LRRC4B: variants seen among roughly 807,000 people sequenced by gnomAD.
LRRC4B encodes leucine-rich repeat-containing protein 4B.
Under a neutral mutation model 7.3 loss-of-function variants are expected in LRRC4B, and 1 was observed. That is an observed-to-expected ratio of 0.14 (90% CI 0.05 to 0.65). LRRC4B has a LOEUF of 0.65. LRRC4B is among the 30% of genes least tolerant of loss of function. The pLI is 0.84. For synonymous variants in LRRC4B, 500 were observed against 499.2 expected (o/e 1.00, Z -0.02); for missense variants, 730 against 1,041.6 (o/e 0.70, Z 4.12).
chr19:50,521,422 ATTATTTTATT>A (rs376597814), intron 2 of LRRC4B, among the ~76,000 whole-genome samples: 1 of 151,874 alleles, frequency 6.6e-6, no homozygotes, highest in Non-Finnish European at 1.5e-5. Context: ...CCAGTGATAC[ATTATTTTATT>A]TTATTTTATT....
At chr19:50,528,161 G>A (rs760587434) in intron 2 of LRRC4B, among the ~76,000 whole-genome samples, 27 of 151,956 alleles carry the variant, frequency 1.8e-4, no homozygotes, top group Non-Finnish European at 3.1e-4. Flanking sequence ...TCCCACCTCA[G>A]CCTCCCAAGT....
intron 1 of LRRC4B, among the ~76,000 whole-genome samples, chr19:50,550,351 C>G (rs1035459025): frequency 1.3e-5 from 2 of 152,070 alleles, no homozygotes; most frequent in African/African-American, 2.4e-5. Context: ...AGGCCAACCC[C>G]AAACCATTCC....
In LRRC4B at chr19:50,518,423, G is replaced by T; in HGVS notation, c.1290C>A (p.Asp430Glu). ...TCACCATGCACGTGTACTGGCCCGT[G>T]TCCTGCACGGTGACGTTGGTGAAGT... ...TLNFTNVTVQ[D>E]TGQYTCMVTN... The change falls in exon 3 of 3, where the codon GAC (aspartate) becomes GAA (glutamate). Residue 430 changes from aspartate to glutamate, a missense_variant. Asp to Glu is a conservative substitution (Grantham distance 45). Transcript: ENST00000652263. 6.4e-7 allele frequency: 1 copy of T among 1,559,452 alleles called. No individual in the cohort carries two copies.
At chr19:50,561,312 C>A (rs558550645) in intron 1 of LRRC4B, among the ~76,000 whole-genome samples, 1 of 152,116 alleles carries the variant, frequency 6.6e-6, no homozygotes, top group Non-Finnish European at 1.5e-5. Flanking sequence ...ACAACCCCCA[C>A]GTCGGTGAGG....
At position 50,518,682 on chromosome 19, in the gene LRRC4B, G is replaced by T; in HGVS notation, c.1031C>A (p.Ala344Asp). The T allele has an allele frequency of 6.2e-7, 1 of 1,613,756 alleles. No homozygotes were observed. Reference protein sequence around the residue: ...TTCCARCHAPAGLKGRYIGEL... With the variant: ...TTCCARCHAPDGLKGRYIGEL... ...CCCAATGTAGCGCCCCTTGAGGCCG[G>T]CGGGCGCATGACAGCGGGCGCAGCA... Residue 344 changes from alanine to aspartate, a missense_variant, in exon 3 of 3, where the codon GCC (alanine) becomes GAC (aspartate). This residue lies in a region of LRRC4B where 226 missense variants were observed against 448.0 expected (regional missense o/e 0.50). Coordinates refer to ENST00000652263, the MANE Select transcript of LRRC4B (RefSeq NM_001080457.2).
intron 1 of LRRC4B, among the ~76,000 whole-genome samples, chr19:50,551,658 T>C (rs1982072109): frequency 1.5e-5 from 2 of 136,112 alleles, no homozygotes; most frequent in Non-Finnish European, 3.1e-5. Context: ...AGGCCCCTTC[T>C]CTCCTTCTCC....
At chr19:50,539,628 C>T (rs1981454847) in intron 2 of LRRC4B, among the ~76,000 whole-genome samples, 1 of 151,854 alleles carries the variant, frequency 6.6e-6, no homozygotes, top group Non-Finnish European at 1.5e-5. Flanking sequence ...GTGGCTCACA[C>T]ATGTAATCCC....
At chr19:50,552,918 G>A (rs1470966189) in intron 1 of LRRC4B, among the ~76,000 whole-genome samples, 1 of 152,244 alleles carries the variant, frequency 6.6e-6, no homozygotes, top group African/African-American at 2.4e-5. Context: ...TGAGTGCCGA[G>A]AGGCCTGGGT....
intron 1 of LRRC4B, among the ~76,000 whole-genome samples, chr19:50,551,456 C>G (rs1982060032): frequency 6.7e-6 from 1 of 149,670 alleles, no homozygotes; most frequent in Non-Finnish European, 1.5e-5. Flanking sequence ...CCTTCCACCC[C>G]CTCTCCCACC....
Position 50,547,714 on chromosome 19 carries a change from C to T in LRRC4B, c.297+828G>A, listed in dbSNP as rs531233602. On this transcript the variant is annotated intron_variant, in intron 2 of 2. Coordinates refer to ENST00000652263, the MANE Select transcript of LRRC4B (RefSeq NM_001080457.2). ...ACACAGGACAGAGCCCCCCACCCTG[C>T]CCGCCAAAGGATGATAGGGCAGGCC... Among the ~76,000 whole-genome samples, 270 of 150,088 alleles carry T rather than the reference C, an allele frequency of 1.8e-3. 3 individuals are homozygous for T. Among genetic ancestry groups the T allele is most frequent in the African/African-American group, 6.3e-3 (255 of 40,672 alleles).
chr19:50,559,927 A>G (rs1326401305), intron 1 of LRRC4B, among the ~76,000 whole-genome samples: 1 of 152,144 alleles, frequency 6.6e-6, no homozygotes, highest in Non-Finnish European at 1.5e-5. Flanking sequence ...TGAGGTCAGG[A>G]GTTTTGACAC....
intron 2 of LRRC4B, among the ~76,000 whole-genome samples, chr19:50,532,842 C>T (rs1008012400): frequency 6.6e-6 from 1 of 152,194 alleles, no homozygotes; most frequent in Non-Finnish European, 1.5e-5. Context: ...GTCTAAGGCT[C>T]TTATTGGGGA....
Position 50,518,655 on chromosome 19 carries a change from T to G in LRRC4B, c.1058A>C (p.Glu353Ala). 2 of 1,613,248 alleles carry G rather than the reference T, an allele frequency of 1.2e-6. No individual in the cohort carries two copies. Among genetic ancestry groups the G allele is most frequent in the Non-Finnish European group, 1.7e-6 (2 of 1,179,624 alleles). The change falls in exon 3 of 3, where the codon GAG (glutamate) becomes GCG (alanine). Residue 353 changes from glutamate to alanine, a missense_variant. Physicochemically the swap from Glu to Ala is moderately radical, Grantham distance 107. Coordinates refer to ENST00000652263, the MANE Select transcript of LRRC4B (RefSeq NM_001080457.2). ...GCAGGTGAAATGCGACTGGTCCAGC[T>G]CCCCAATGTAGCGCCCCTTGAGGCC... ...PAGLKGRYIG[E>A]LDQSHFTCYA...
At chr19:50,546,233 A>G (rs1260058019) in intron 2 of LRRC4B, among the ~76,000 whole-genome samples, 1 of 151,936 alleles carries the variant, frequency 6.6e-6, no homozygotes, top group African/African-American at 2.4e-5. Flanking sequence ...TACTCAAGAG[A>G]CTGAGGCGGA....
At chr19:50,525,459 G>C (rs1038151846) in intron 2 of LRRC4B, among the ~76,000 whole-genome samples, 21 of 149,858 alleles carry the variant, frequency 1.4e-4, no homozygotes, top group African/African-American at 4.9e-4. Flanking sequence ...AGGCTGGAGT[G>C]CAATGGCGTA....
At chr19:50,529,871 CT>C (rs1980973422) in intron 2 of LRRC4B, among the ~76,000 whole-genome samples, 1 of 152,130 alleles carries the variant, frequency 6.6e-6, no homozygotes. Flanking sequence ...CCCCCTGGAA[CT>C]TTCCCCCTCT....
intron 1 of LRRC4B, among the ~76,000 whole-genome samples, chr19:50,551,601 C>G (rs1982069173): frequency 7.1e-6 from 1 of 141,420 alleles, no homozygotes; most frequent in Non-Finnish European, 1.6e-5. Context: ...GGCCTCAACC[C>G]CCTCCTGAGT....
At position 50,563,984 on chromosome 19, in the gene LRRC4B, G is replaced by A. The variant is rs148490455; in HGVS notation, c.-36+3960C>T. Among the ~76,000 whole-genome samples, 98 of 152,264 alleles carry A rather than the reference G, an allele frequency of 6.4e-4. No individual in the cohort carries two copies. The highest frequency in any genetic ancestry group is 1.2e-3 in the Non-Finnish European group (84 of 68,024). ...ACTGATGGGGGGATGAAGGAGGAGG[G>A]GCAGAGAGAGGACCCGGCAAGGGAA... On this transcript the variant is annotated intron_variant, in intron 1 of 2. Transcript: ENST00000652263. This position sits in a 1 kb window ranked among gnomAD's most constrained non-coding sequence, Gnocchi z 4.9.
intron 2 of LRRC4B, among the ~76,000 whole-genome samples, chr19:50,542,386 A>G (rs1981588966): frequency 1.3e-5 from 2 of 151,442 alleles, no homozygotes; most frequent in South Asian, 2.1e-4. Context: ...CTTAAAAGGC[A>G]TTTCCTGAGG....
Sources: gnomAD v4.1 joint callset for allele counts (sites outside exome capture counted in the v4.1 genomes callset) on GRCh38, gnomAD v4.1.1 for gene constraint, gnomAD v4.1.1 regional missense constraint, Gnocchi (gnomAD v3.1) non-coding constraint, MANE v1.5 for transcripts, NCBI Gene and HGNC (gene_info 2026-07-23, HGNC 2026-07-21) for gene names.